Variants in FBXL2 observed in about 807,000 individuals in gnomAD.
FBXL2 encodes the protein F-box/LRR-repeat protein 2.
A neutral mutation model predicts 69.2 loss-of-function variants in FBXL2; 38 were observed. The ratio of observed to expected loss-of-function variants is 0.55; its 90% CI spans 0.42 to 0.72. FBXL2 has a LOEUF of 0.72. FBXL2 is among the 30% of genes least tolerant of loss of function. The pLI, the probability that FBXL2 is intolerant of heterozygous loss-of-function variation, is 0.00. For synonymous variants in FBXL2, 192 were observed against 201.3 expected (o/e 0.95, Z 0.39); for missense variants, 354 against 520.3 (o/e 0.68, Z 3.11).
the FBXL2 span, chr3:33,412,878 TG>T: frequency 8.4e-7 from 1 of 1,186,170 alleles, no homozygotes; most frequent in South Asian, 1.2e-5. Flanking sequence ...CCAGCTAAAA[TG>T]CAGGACCATT....
chr3:33,422,441 G>A, the FBXL2 span, among the ~76,000 whole-genome samples: 3 of 152,116 alleles, frequency 2.0e-5, no homozygotes, highest in Non-Finnish European at 4.4e-5. Flanking sequence ...AAAAGGCCAG[G>A]TTCAGTGGTT....
chr3:33,355,320 T>A (rs1414346412), intron 2 of FBXL2, among the ~76,000 whole-genome samples: 2 of 152,176 alleles, frequency 1.3e-5, no homozygotes, highest in Non-Finnish European at 2.9e-5. Context: ...CTACAAAAAT[T>A]ACTGTGAAAA....
Position 33,341,477 on chromosome 3 carries a change from T to C in FBXL2, c.66-17490T>C, listed in dbSNP as rs541671703. On this transcript the variant is annotated intron_variant, in intron 2 of 14. Transcript: ENST00000484457. ...AATACAGAAAAGAAAGTGAAGAGTA[T>C]AAAGTGGCAGGATGGTGCCTACACT... 2.6e-5 allele frequency among the ~76,000 whole-genome samples: 4 copies of C among 152,194 alleles called. No homozygotes were observed. In the South Asian group the frequency reaches 8.3e-4, roughly 32 times the overall value.
intron 5 of FBXL2, among the ~76,000 whole-genome samples, chr3:33,367,894 A>G (rs1162653148): frequency 1.3e-5 from 2 of 152,150 alleles, no homozygotes; most frequent in Non-Finnish European, 2.9e-5. Context: ...TATGCCACAA[A>G]TTCTTATATG....
downstream of FBXL2, among the ~76,000 whole-genome samples, chr3:33,406,091 C>T (rs1262811602): frequency 2.6e-5 from 4 of 152,270 alleles, no homozygotes; most frequent in East Asian, 7.7e-4. Context: ...TTACATTTTA[C>T]ACAACAATGC....
intron 2 of FBXL2, among the ~76,000 whole-genome samples, chr3:33,298,546 C>G (rs755453333): frequency 2.6e-5 from 4 of 151,608 alleles, no homozygotes; most frequent in African/African-American, 7.3e-5. Context: ...TGGTGGTGCA[C>G]GCCTGTAATC....
the FBXL2 span, among the ~76,000 whole-genome samples, chr3:33,418,913 A>G: frequency 6.6e-6 from 1 of 151,932 alleles, no homozygotes; most frequent in Non-Finnish European, 1.5e-5. Flanking sequence ...TATCCCTAGA[A>G]GAAAAAAATG....
rs57394351 is a variant in FBXL2, at chr3:33,380,555, TAAAAAA to T, written c.951+1828_951+1833del. 9.2e-5 allele frequency among the ~76,000 whole-genome samples: 9 copies of T among 97,314 alleles called. No individual in the cohort carries two copies. In the East Asian group the frequency reaches 2.3e-3, roughly 24 times the overall value. 63.8% of individuals were successfully genotyped at this position (97,314 alleles called of 152,430 possible). On this transcript the variant is annotated intron_variant, in intron 13 of 14. Coordinates refer to ENST00000484457, the MANE Select transcript of FBXL2 (RefSeq NM_012157.5). Reference sequence around the variant, plus strand: ...CCTGGGCAACAAGAGCAAAACTCCATAAAAAAAAAAAAAAAAAAAGTACCAGGAATA... The same window carrying T: ...CCTGGGCAACAAGAGCAAAACTCCATAAAAAAAAAAAAAGTACCAGGAATA...
the FBXL2 span, among the ~76,000 whole-genome samples, chr3:33,416,464 C>G: frequency 6.6e-6 from 1 of 152,218 alleles, no homozygotes; most frequent in Non-Finnish European, 1.5e-5. Flanking sequence ...ACATTCTTCC[C>G]CATATTATCT....
intron 13 of FBXL2, among the ~76,000 whole-genome samples, chr3:33,381,073 G>A (rs942024319): frequency 6.6e-6 from 1 of 152,074 alleles, no homozygotes; most frequent in Non-Finnish European, 1.5e-5. Context: ...TGTTGGCAGC[G>A]GATTTTCCTG....
rs376187364 is a variant in FBXL2, at chr3:33,366,565, A to G, written c.290+1846A>G. ...TGTAGTCCTAGCTATTTGGGAGGCT[A>G]AAGTGGGAAGATCACTTGAGCCCAG... On this transcript the variant is annotated intron_variant, in intron 5 of 14. Transcript: ENST00000484457. Among the ~76,000 whole-genome samples, 5 of 152,064 alleles carry G rather than the reference A, an allele frequency of 3.3e-5. No individual in the cohort carries two copies. The East Asian group carries it at 5.8e-4, about 18-fold the overall frequency.
chr3:33,412,653 A>G, the FBXL2 span: 1 of 1,051,352 alleles, frequency 9.5e-7, no homozygotes. Context: ...CATGATGCCA[A>G]CACAACACAT....
At chr3:33,390,376 A>G (rs1412744919), downstream of FBXL2, 1 of 1,613,926 alleles carries the variant, frequency 6.2e-7, no homozygotes, top group Non-Finnish European at 8.5e-7. Flanking sequence ...CAGCTGCAGA[A>G]AAAGGAAAGA....
intron 1 of FBXL2, among the ~76,000 whole-genome samples, chr3:33,280,080 C>G (rs1315157472): frequency 1.3e-5 from 2 of 152,076 alleles, no homozygotes; most frequent in African/African-American, 2.4e-5. Context: ...TTTGTTGTTC[C>G]TGGCACTGGG....
At chr3:33,330,430 T>C (rs2039058430) in intron 2 of FBXL2, among the ~76,000 whole-genome samples, 1 of 152,192 alleles carries the variant, frequency 6.6e-6, no homozygotes. Context: ...TGTTTTTTGA[T>C]AGACCAGTGG....
At chr3:33,354,349 A>C (rs570000866) in intron 2 of FBXL2, among the ~76,000 whole-genome samples, 1 of 152,102 alleles carries the variant, frequency 6.6e-6, no homozygotes, top group South Asian at 2.1e-4. Context: ...CCCCGTCTCT[A>C]CTAAAAATAC....
intron 2 of FBXL2, among the ~76,000 whole-genome samples, chr3:33,323,491 G>A (rs1020044837): frequency 6.6e-6 from 1 of 152,062 alleles, no homozygotes; most frequent in Non-Finnish European, 1.5e-5. Context: ...CCCATTGTGT[G>A]ATGTTCCCCT....
the FBXL2 span, among the ~76,000 whole-genome samples, chr3:33,412,240 C>G: frequency 6.8e-6 from 1 of 146,674 alleles, no homozygotes; most frequent in Non-Finnish European, 1.5e-5. Flanking sequence ...GTTTCAAAAT[C>G]ATAAAATTCC....
intron 2 of FBXL2, among the ~76,000 whole-genome samples, chr3:33,330,912 C>A (rs375829936): frequency 6.8e-6 from 1 of 146,550 alleles, no homozygotes; most frequent in Admixed American, 7.1e-5. Flanking sequence ...CACACACACA[C>A]AAACACACAC....
Sources: gnomAD v4.1 joint callset for allele counts (sites outside exome capture counted in the v4.1 genomes callset) on GRCh38, gnomAD v4.1.1 for gene constraint, MANE v1.5 for transcripts, NCBI Gene and HGNC (gene_info 2026-07-23, HGNC 2026-07-21) for gene names.